CMSS1: variants seen among roughly 807,000 people sequenced by gnomAD.
CMSS1 encodes protein CMSS1.
CMSS1 carries 33 observed loss-of-function variants against 43.5 expected under a neutral mutation model. That is an observed-to-expected ratio of 0.76 (90% CI 0.57 to 1.01). The LOEUF (loss-of-function observed/expected upper bound fraction) is 1.01. Among genes scored for constraint, CMSS1 ranks in the 50% least tolerant of loss-of-function variants. The pLI is 0.00. For missense variants in CMSS1, 313 were observed against 326.4 expected, an observed-to-expected ratio of 0.96 and a Z score of 0.32; for synonymous variants, 115 against 117.2, an observed-to-expected ratio of 0.98 and a Z score of 0.12.
At chr3:100,123,304 G>C (rs1185795883) in intron 1 of CMSS1, among the ~76,000 whole-genome samples, 2 of 152,180 alleles carry the variant, frequency 1.3e-5, no homozygotes, top group Non-Finnish European at 2.9e-5. Flanking sequence ...TCCGGGGCAA[G>C]AAAGGAGTTT....
At chr3:100,128,209 A>C (rs898386356) in intron 1 of CMSS1, among the ~76,000 whole-genome samples, 5 of 152,228 alleles carry the variant, frequency 3.3e-5, no homozygotes, top group Non-Finnish European at 5.9e-5. Context: ...TGGTCTGTGC[A>C]CTGAACTTCT....
chr3:100,125,301 C>T (rs1016104332), intron 1 of CMSS1, among the ~76,000 whole-genome samples: 2 of 152,232 alleles, frequency 1.3e-5, no homozygotes, highest in Admixed American at 6.5e-5. Context: ...TCAGGTGCTT[C>T]GTTTTGCTGG....
At chr3:99,836,395 G>T (rs753811783) in intron 1 of CMSS1, among the ~76,000 whole-genome samples, 11 of 152,106 alleles carry the variant, frequency 7.2e-5, no homozygotes, top group Admixed American at 7.2e-4. Context: ...GGTTATGGGC[G>T]CATGCTAAGT....
At chr3:100,074,595 C>T (rs1392844583) in intron 1 of CMSS1, among the ~76,000 whole-genome samples, 1 of 147,796 alleles carries the variant, frequency 6.8e-6, no homozygotes, top group Non-Finnish European at 1.5e-5. Context: ...AAAAACTATG[C>T]TTGAGAAATA....
intron 1 of CMSS1, among the ~76,000 whole-genome samples, chr3:99,828,393 C>T (rs1355659087): frequency 7.1e-6 from 1 of 141,406 alleles, no homozygotes; most frequent in East Asian, 2.1e-4. Context: ...CAATACTAAG[C>T]ACTCTGTACA....
intron 1 of CMSS1, among the ~76,000 whole-genome samples, chr3:100,018,621 A>G (rs903849743): frequency 2.0e-5 from 3 of 152,104 alleles, no homozygotes; most frequent in Non-Finnish European, 4.4e-5. Flanking sequence ...ACAAAAAAAA[A>G]TGCTTCTTGA....
At chr3:99,849,692 T>G in intron 1 of CMSS1, 1 of 1,613,604 alleles carries the variant, frequency 6.2e-7, no homozygotes, top group Non-Finnish European at 8.5e-7. Context: ...TTAGCATACC[T>G]TCGTTCTAGA....
At chr3:99,999,022 A>G (rs1490583338) in intron 1 of CMSS1, among the ~76,000 whole-genome samples, 1 of 152,106 alleles carries the variant, frequency 6.6e-6, no homozygotes, top group Non-Finnish European at 1.5e-5. Context: ...TGACGTTGCT[A>G]CTCTGTGAAG....
intron 1 of CMSS1, among the ~76,000 whole-genome samples, chr3:99,881,600 T>C (rs1705731321): frequency 6.6e-6 from 1 of 151,896 alleles, no homozygotes; most frequent in African/African-American, 2.4e-5. Context: ...TAGTGCAAGC[T>C]CGGCTCACTG....
chr3:99,919,172 T>A (rs1345565607), intron 1 of CMSS1, among the ~76,000 whole-genome samples: 1 of 152,168 alleles, frequency 6.6e-6, no homozygotes, highest in Non-Finnish European at 1.5e-5. Flanking sequence ...TATTGAATTC[T>A]CTAGTAAAAT....
intron 1 of CMSS1, among the ~76,000 whole-genome samples, chr3:100,064,086 G>T (rs1003006219): frequency 6.6e-6 from 1 of 152,106 alleles, no homozygotes; most frequent in African/African-American, 2.4e-5. Context: ...TTGTTTTGTT[G>T]CTTCTGGTTT....
At chr3:100,048,626 G>A (rs897767640) in intron 1 of CMSS1, among the ~76,000 whole-genome samples, 13 of 152,128 alleles carry the variant, frequency 8.5e-5, no homozygotes, top group Non-Finnish European at 1.9e-4. Context: ...TTTTTGGACT[G>A]CCATTTAGAG....
At chr3:99,974,151 A>G (rs1015903219) in intron 1 of CMSS1, among the ~76,000 whole-genome samples, 1 of 152,186 alleles carries the variant, frequency 6.6e-6, no homozygotes, top group Admixed American at 6.5e-5. Context: ...AATTGCTTGT[A>G]GGTATTGGAC....
At chr3:100,106,177 T>C (rs2066392234) in intron 1 of CMSS1, among the ~76,000 whole-genome samples, 1 of 152,122 alleles carries the variant, frequency 6.6e-6, no homozygotes, top group Non-Finnish European at 1.5e-5. Context: ...CAGAAGAGGT[T>C]GACTTATCAA....
intron 1 of CMSS1, among the ~76,000 whole-genome samples, chr3:99,946,835 G>T (rs771559972): frequency 2.0e-5 from 3 of 152,120 alleles, no homozygotes; most frequent in Non-Finnish European, 4.4e-5. Context: ...ATACTACAAA[G>T]TACCAAATTG....
intron 1 of CMSS1, among the ~76,000 whole-genome samples, chr3:99,891,527 T>C (rs1423351027): frequency 6.6e-6 from 1 of 152,202 alleles, no homozygotes; most frequent in Non-Finnish European, 1.5e-5. Flanking sequence ...TGAAATATTG[T>C]ATATATTTTA....
chr3:100,015,587 A>G (rs1024671897), intron 1 of CMSS1, among the ~76,000 whole-genome samples: 6 of 152,228 alleles, frequency 3.9e-5, no homozygotes, highest in African/African-American at 1.4e-4. Context: ...CATTGCTTCT[A>G]GAATTCTGAT....
At chr3:100,049,328 T>C (rs1185376618) in intron 1 of CMSS1, among the ~76,000 whole-genome samples, 3 of 152,192 alleles carry the variant, frequency 2.0e-5, no homozygotes, top group Non-Finnish European at 2.9e-5. Context: ...TTCTAGCTTG[T>C]TATGAAACCC....
chr3:99,880,113 G>A (rs953154052), intron 1 of CMSS1, among the ~76,000 whole-genome samples: 1 of 152,192 alleles, frequency 6.6e-6, no homozygotes, highest in African/African-American at 2.4e-5. Flanking sequence ...TTAGGACGAA[G>A]GCTGAAGGGA....
Sources: allele counts gnomAD v4.1 joint callset (sites outside exome capture counted in the v4.1 genomes callset), GRCh38; gene constraint gnomAD v4.1.1; transcripts MANE v1.5; gene names NCBI Gene and HGNC (gene_info 2026-07-23, HGNC 2026-07-21).